COL22A1: variants seen among roughly 807,000 people sequenced by gnomAD.
The protein encoded by COL22A1 is collagen type XXII alpha 1 chain.
A neutral mutation model predicts 248.9 loss-of-function variants in COL22A1; 221 were observed. The ratio of observed to expected loss-of-function variants is 0.89; its 90% CI spans 0.80 to 0.99. The LOEUF (loss-of-function observed/expected upper bound fraction) is 0.99. Ranked by LOEUF, COL22A1 falls within the 50% of genes least tolerant of loss-of-function variation. The pLI is 0.00. For synonymous variants in COL22A1, 891 were observed against 793.4 expected, an observed-to-expected ratio of 1.12 and a Z score of -2.07; for missense variants, 2,240 against 2,179.0, an observed-to-expected ratio of 1.03 and a Z score of -0.56.
chr8:138,791,066 T>C (rs1815990763), intron 12 of COL22A1, among the ~76,000 whole-genome samples: 3 of 152,210 alleles, frequency 2.0e-5, no homozygotes, highest in African/African-American at 7.2e-5. Context: ...GGGCATGTTT[T>C]TCTAAGCCTC....
Position 138,877,882 on chromosome 8 carries a change from C to A in COL22A1, c.526G>T (p.Gly176Cys), listed in dbSNP as rs769795947. 1 of 1,612,808 alleles carries A rather than the reference C, an allele frequency of 6.2e-7. No individual in the cohort carries two copies. ...HRAGIRIFAV[G>C]VGEALKEELE... ...TCCTCCTTGAGTGCCTCGCCCACGCCCACGGCAAAGATGCGGATGCCAGCG... is the reference window on the plus strand; with the variant it reads ...TCCTCCTTGAGTGCCTCGCCCACGCACACGGCAAAGATGCGGATGCCAGCG... Residue 176 changes from glycine (G) to cysteine (C), a missense_variant, in exon 3 of 65, where the codon GGC (glycine) becomes TGC (cysteine). Physicochemically the swap from Gly to Cys is radical, Grantham distance 159 (BLOSUM62 -3). Coordinates refer to ENST00000303045, the MANE Select transcript of COL22A1 (RefSeq NM_152888.3).
At chr8:138,752,544 A>T (rs991644897) in intron 21 of COL22A1, among the ~76,000 whole-genome samples, 4 of 152,212 alleles carry the variant, frequency 2.6e-5, no homozygotes, top group African/African-American at 9.6e-5. Context: ...GGACACACAG[A>T]AAGAGAAGGC....
Position 138,744,757 on chromosome 8 carries a change from T to C in COL22A1, c.2085+6701A>G, listed in dbSNP as rs76183162. ...GGAAGTGCCTGCTATGCAGTGACTA[T>C]TCAATCAATGTTATTTCCTTTCTCC... On this transcript the variant is annotated intron_variant, in intron 22 of 64. Transcript: ENST00000303045. 0.016 allele frequency among the ~76,000 whole-genome samples: 2,471 copies of C among 152,358 alleles called. 169 individuals carry two copies. The East Asian group carries it at 0.21, about 13-fold the overall frequency.
At chr8:138,755,600 C>T in intron 19 of COL22A1, 89 bp from the exon 20 acceptor site, 2 of 1,457,776 alleles carry the variant, frequency 1.4e-6, no homozygotes, top group Admixed American at 1.7e-5. Context: ...CATTCATTCA[C>T]AGGCCATGCT....
chr8:138,836,473 C>G (rs1820439249), intron 4 of COL22A1, among the ~76,000 whole-genome samples: 1 of 152,180 alleles, frequency 6.6e-6, no homozygotes. Flanking sequence ...AATGTAGGAA[C>G]ATGCCTGAAA....
chr8:138,727,324 C>G (rs1439799790), intron 23 of COL22A1, among the ~76,000 whole-genome samples: 1 of 152,034 alleles, frequency 6.6e-6, no homozygotes, highest in Non-Finnish European at 1.5e-5. Context: ...CTCCAATTCC[C>G]CAGTGGAATT....
chr8:138,802,834 T>C (rs1413774031), intron 11 of COL22A1, 38 bp downstream of exon 11: 6 of 1,562,314 alleles, frequency 3.8e-6, no homozygotes, highest in Non-Finnish European at 5.3e-6. Context: ...ACGCCCGCCC[T>C]GAGGTTCAGC....
intron 53 of COL22A1, among the ~76,000 whole-genome samples, chr8:138,618,177 T>G (rs1819487824): frequency 6.6e-6 from 1 of 152,228 alleles, no homozygotes; most frequent in African/African-American, 2.4e-5. Flanking sequence ...GACTGCCATT[T>G]CATAGAAGAA....
chr8:138,699,211 C>G (rs1827761153), intron 32 of COL22A1, among the ~76,000 whole-genome samples: 1 of 152,198 alleles, frequency 6.6e-6, no homozygotes, highest in African/African-American at 2.4e-5. Context: ...CCCCATCTCC[C>G]CATTATGCTT....
At chr8:138,728,555 C>T (rs1302613050) in intron 23 of COL22A1, among the ~76,000 whole-genome samples, 1 of 152,044 alleles carries the variant, frequency 6.6e-6, no homozygotes, top group Non-Finnish European at 1.5e-5. Flanking sequence ...CTCGCTCTGG[C>T]CCTGCTTGCC....
At chr8:138,692,158 ATGTGTGGAGGTGTGTGTGTATGTG>A (rs1827059144) in intron 35 of COL22A1, among the ~76,000 whole-genome samples, 1 of 139,562 alleles carries the variant, frequency 7.2e-6, no homozygotes, top group Non-Finnish European at 1.5e-5. Flanking sequence ...TGGTATGTGT[ATGTGTGGAGGTGTGTGTGTATGTG>A]TGCACGTGCA....
At chr8:138,641,567 T>C (rs1311516575) in intron 47 of COL22A1, among the ~76,000 whole-genome samples, 1 of 152,170 alleles carries the variant, frequency 6.6e-6, no homozygotes, top group Non-Finnish European at 1.5e-5. Context: ...ACCCTATATC[T>C]TAAAGTCAGT....
chr8:138,625,229 C>T (rs1429914731), intron 51 of COL22A1, among the ~76,000 whole-genome samples: 9 of 151,884 alleles, frequency 5.9e-5, no homozygotes, highest in African/African-American at 2.2e-4. Flanking sequence ...GGGGGAAGAT[C>T]GAAGGCATCT....
intron 12 of COL22A1, among the ~76,000 whole-genome samples, chr8:138,782,169 GC>G (rs983860480): frequency 6.6e-6 from 1 of 152,186 alleles, no homozygotes; most frequent in Non-Finnish European, 1.5e-5. Context: ...AATGTCTCTG[GC>G]CATGGCATGA....
At chr8:138,737,685 C>T (rs2131258310) in intron 22 of COL22A1, 108 bp from the exon 23 acceptor site, 1 of 718,294 alleles carries the variant, frequency 1.4e-6, no homozygotes. Context: ...TCTCAACCTC[C>T]CAGATTAACA....
intron 26 of COL22A1, among the ~76,000 whole-genome samples, chr8:138,721,779 A>G (rs1233258350): frequency 1.3e-5 from 2 of 152,226 alleles, no homozygotes; most frequent in Non-Finnish European, 2.9e-5. Flanking sequence ...TAGGCCTCCC[A>G]AAATGCTGGG....
chr8:138,845,084 G>T (rs1489718227), intron 3 of COL22A1, among the ~76,000 whole-genome samples: 1 of 152,110 alleles, frequency 6.6e-6, no homozygotes, highest in South Asian at 2.1e-4. Flanking sequence ...GGAGCTTCAG[G>T]TACAATTACA....
chr8:138,612,911 G>A (rs1267679429), intron 56 of COL22A1, among the ~76,000 whole-genome samples: 18 of 135,644 alleles, frequency 1.3e-4, no homozygotes, highest in African/African-American at 4.6e-4. Flanking sequence ...ACTCCAGCCT[G>A]GGTGACACAG....
chr8:138,716,533 G>C lies in COL22A1; in HGVS notation c.2401-244C>G, dbSNP rs182064132. Reference sequence around the variant, plus strand: ...CAGGAACCCTTATTTTGCCTCTCCTGGTGTCTAACCCTTCCTGTTTCTTTA... The same window carrying C: ...CAGGAACCCTTATTTTGCCTCTCCTCGTGTCTAACCCTTCCTGTTTCTTTA... On this transcript the variant is annotated intron_variant, in intron 28 of 64. Transcript: ENST00000303045. Among the ~76,000 whole-genome samples, 925 of 152,136 alleles carry C rather than the reference G, an allele frequency of 6.1e-3. 2 individuals are homozygous for C. Among genetic ancestry groups the C allele is most frequent in the Non-Finnish European group, 0.011 (724 of 68,006 alleles).
Sources: allele counts gnomAD v4.1 joint callset (sites outside exome capture counted in the v4.1 genomes callset), GRCh38; gene constraint gnomAD v4.1.1; transcripts MANE v1.5; gene names NCBI Gene and HGNC (gene_info 2026-07-23, HGNC 2026-07-21).